MYLK: variants seen among roughly 807,000 people sequenced by gnomAD.
MYLK encodes myosin light chain kinase, smooth muscle.
In MYLK, 106 loss-of-function variants were observed where a neutral mutation model predicts 203.4. That is an observed-to-expected ratio of 0.52 (90% CI 0.45 to 0.61). The LOEUF (loss-of-function observed/expected upper bound fraction) is 0.61, where lower values mean the gene tolerates loss of function less well. Ranked by LOEUF, MYLK falls within the 20% of genes least tolerant of loss-of-function variation. The pLI is 0.00. For missense variants in MYLK, 2,072 were observed against 2,442.3 expected, an observed-to-expected ratio of 0.85 and a Z score of 3.20; for synonymous variants, 867 against 959.5, an observed-to-expected ratio of 0.90 and a Z score of 1.78.
rs117808558 is a variant in MYLK at position 123,634,593 on chromosome 3, T to C, written c.4961+3478A>G. On this transcript the variant is annotated intron_variant, in intron 29 of 33. Coordinates refer to ENST00000360304, the MANE Select transcript of MYLK (RefSeq NM_053025.4). ...AACAAACAAGCATGAATGGGAAGGCTGTGCTGCTGGGCCTGGTCAGGAAGA... is the reference window on the plus strand; with the variant it reads ...AACAAACAAGCATGAATGGGAAGGCCGTGCTGCTGGGCCTGGTCAGGAAGA... Among the ~76,000 whole-genome samples, 16 of 152,312 alleles carry C rather than the reference T, an allele frequency of 1.1e-4. No homozygotes were observed. In the East Asian group the frequency reaches 3.1e-3, roughly 29 times the overall value.
intron 20 of MYLK, chr3:123,680,884 A>C (rs1400964116): frequency 6.6e-6 from 1 of 152,150 alleles, no homozygotes; most frequent in African/African-American, 2.4e-5. Flanking sequence ...GCAACTCTGC[A>C]CCCTCTGTTG....
At position 123,773,986 on chromosome 3, in the gene MYLK, T is replaced by C. The variant is rs140404242; in HGVS notation, c.165+19691A>G. Among the ~76,000 whole-genome samples, 839 of 152,304 alleles carry C rather than the reference T, an allele frequency of 5.5e-3. 13 individuals are homozygous for C. Among genetic ancestry groups the C allele is most frequent in the African/African-American group, 0.018 (767 of 41,580 alleles). ...AAGCTGGGCAGAGCCACTGCCTGTC[T>C]CCAGCTGAGGCTGCCAGAGCCCTTG... On this transcript the variant is annotated intron_variant, in intron 4 of 33. Transcript: ENST00000360304.
intron 2 of MYLK, among the ~76,000 whole-genome samples, chr3:123,875,265 A>G (rs1299999736): frequency 1.3e-5 from 2 of 152,232 alleles, no homozygotes; most frequent in African/African-American, 2.4e-5. Flanking sequence ...ACGTCTTTAC[A>G]ATGAAATAAT....
intron 33 of MYLK, among the ~76,000 whole-genome samples, chr3:123,615,652 T>TA (rs2057441844): frequency 9.2e-5 from 1 of 10,870 alleles, no homozygotes; most frequent in Non-Finnish European, 1.6e-4. Context: ...CAATTTTCTA[T>TA]CTTTTTTTTT....
chr3:123,798,821 C>T (rs1275456282), intron 3 of MYLK, among the ~76,000 whole-genome samples: 2 of 152,156 alleles, frequency 1.3e-5, no homozygotes, highest in Non-Finnish European at 2.9e-5. Flanking sequence ...CTGCCATCAT[C>T]AGCATAAACA....
intron 4 of MYLK, among the ~76,000 whole-genome samples, chr3:123,790,432 C>G (rs757300224): frequency 6.6e-6 from 1 of 152,136 alleles, no homozygotes; most frequent in Non-Finnish European, 1.5e-5. Context: ...GTATCTCCCA[C>G]AAGGTGGAAA....
intron 3 of MYLK, among the ~76,000 whole-genome samples, chr3:123,823,500 C>T (rs1267490846): frequency 6.6e-6 from 1 of 152,160 alleles, no homozygotes; most frequent in Non-Finnish European, 1.5e-5. Context: ...CCTCCACTTC[C>T]AATCCATAAG....
chr3:123,686,246 G>C (rs890833949), intron 19 of MYLK, among the ~76,000 whole-genome samples: 1 of 152,168 alleles, frequency 6.6e-6, no homozygotes, highest in Non-Finnish European at 1.5e-5. Context: ...AAAGAAGTGT[G>C]GGGGAGGAAG....
intron 4 of MYLK, among the ~76,000 whole-genome samples, chr3:123,758,275 C>T (rs550292016): frequency 1.3e-5 from 2 of 152,278 alleles, no homozygotes; most frequent in South Asian, 4.1e-4. Flanking sequence ...CCATTGCCAA[C>T]AGTCAAAAGC....
At chr3:123,735,026 AC>A (rs1253271735) in intron 9 of MYLK, 4 of 348,864 alleles carry the variant, frequency 1.1e-5, no homozygotes, top group Non-Finnish European at 2.2e-5. Context: ...GCCGAGCCTC[AC>A]ACACAGGAAA....
At chr3:123,630,781 A>C (rs2058382927) in intron 29 of MYLK, 1 of 152,248 alleles carries the variant, frequency 6.6e-6, no homozygotes, top group Non-Finnish European at 1.5e-5. Context: ...CAGCAGCTTA[A>C]GCCAAATAAA....
chr3:123,676,784 A>G (rs2060083930), intron 20 of MYLK, among the ~76,000 whole-genome samples: 1 of 152,246 alleles, frequency 6.6e-6, no homozygotes, highest in Non-Finnish European at 1.5e-5. Context: ...CTGAGAGACC[A>G]GCTAATGAAG....
intron 3 of MYLK, among the ~76,000 whole-genome samples, chr3:123,829,582 G>A (rs2066253103): frequency 6.6e-6 from 1 of 152,090 alleles, no homozygotes; most frequent in Non-Finnish European, 1.5e-5. Context: ...TTTCAAATAG[G>A]TAGAAGAGGA....
chr3:123,721,760 C>T (rs1479816905), intron 13 of MYLK, among the ~76,000 whole-genome samples: 4 of 150,630 alleles, frequency 2.7e-5, no homozygotes, highest in African/African-American at 9.7e-5. Context: ...AGACCTGGAG[C>T]TTCTGGAGCT....
Position 123,700,497 on chromosome 3 carries a change from AT to A in MYLK, c.2970del (p.Lys990AsnfsTer14). ...DFRSVLGGKK[K>X]LPAENGSSSA... ...CTGCTGCTGCCATTCTCTGCTGGTA[AT>A]TTCTTCTTGCCACCCAGCACTGAGC... On this transcript the variant is annotated frameshift_variant, in exon 18 of 34. Coordinates refer to ENST00000360304, the MANE Select transcript of MYLK (RefSeq NM_053025.4). LOFTEE classifies it high-confidence loss of function. 1 of 1,607,624 alleles carries A rather than the reference AT, an allele frequency of 6.2e-7. No individual in the cohort carries two copies. The highest frequency in any genetic ancestry group is 8.5e-7 in the Non-Finnish European group (1 of 1,175,628).
At chr3:123,798,322 C>T (rs2065063573) in intron 3 of MYLK, among the ~76,000 whole-genome samples, 1 of 152,068 alleles carries the variant, frequency 6.6e-6, no homozygotes, top group African/African-American at 2.4e-5. Flanking sequence ...TTGCCATCCC[C>T]AGTAATGAGA....
At chr3:123,656,696 CATT>C (rs772816762) in intron 24 of MYLK, among the ~76,000 whole-genome samples, 3 of 152,168 alleles carry the variant, frequency 2.0e-5, no homozygotes, top group Non-Finnish European at 4.4e-5. Context: ...CATCCCTTCT[CATT>C]ATAGTTAGCC....
chr3:123,711,309 G>T (rs1189051606), intron 13 of MYLK, among the ~76,000 whole-genome samples: 1 of 152,174 alleles, frequency 6.6e-6, no homozygotes, highest in East Asian at 1.9e-4. Context: ...GTGTGCATAT[G>T]TCAAAACTTA....
At chr3:123,683,722 T>TG (rs1239722651) in intron 19 of MYLK, among the ~76,000 whole-genome samples, 1 of 152,034 alleles carries the variant, frequency 6.6e-6, no homozygotes, top group Non-Finnish European at 1.5e-5. Flanking sequence ...CCGGGGGCTG[T>TG]GGGGGCAATC....
Sources: allele counts gnomAD v4.1 joint callset (sites outside exome capture counted in the v4.1 genomes callset), GRCh38; gene constraint gnomAD v4.1.1; transcripts MANE v1.5; gene names NCBI Gene and HGNC (gene_info 2026-07-23, HGNC 2026-07-21).